Variants in DPP9 observed in about 807,000 individuals in gnomAD.
DPP9 encodes dipeptidyl peptidase 9, also known as dipeptidyl peptidase IV-related protein-2.
In DPP9, 50 loss-of-function variants were observed where a neutral mutation model predicts 110.7. The observed-to-expected ratio is 0.45, with a 90% CI of 0.36 to 0.57. DPP9 has a LOEUF of 0.57. Among genes scored for constraint, DPP9 ranks in the 20% least tolerant of loss-of-function variants. DPP9 has a pLI of 0.00. For synonymous variants in DPP9, 561 were observed against 514.4 expected (o/e 1.09, Z -1.23); for missense variants, 1,022 against 1,217.9 (o/e 0.84, Z 2.39).
chr19:4,686,793 T>G (rs1337999068), intron 16 of DPP9, among the ~76,000 whole-genome samples: 1 of 152,120 alleles, frequency 6.6e-6, no homozygotes, highest in Admixed American at 6.6e-5. Context: ...GGTCTAGGGG[T>G]AGCAGAAGTT....
chr19:4,690,744 T>C (rs2091238027), intron 14 of DPP9, 134 bp downstream of exon 14: 3 of 738,534 alleles, frequency 4.1e-6, no homozygotes, highest in Admixed American at 2.1e-5. Context: ...CAGGTGTGTG[T>C]GCGTGTGTGT....
chr19:4,704,205 C>G lies in DPP9; in HGVS notation c.526G>C (p.Glu176Gln). 1 of 1,614,002 alleles carries G rather than the reference C, an allele frequency of 6.2e-7. No individual in the cohort carries two copies. Among genetic ancestry groups the G allele is most frequent in the East Asian group, 2.2e-5 (1 of 44,886 alleles). ...FGITSYDFHS[E>Q]SGLFLFQASN... ...GCCTGGAAGAGGAAGAGGCCACTCT[C>G]GCTGTGGAAGTCGTAGGAGGTGATG... The change falls in exon 6 of 22, where the codon GAG becomes CAG. Residue 176 changes from glutamate to glutamine, a missense_variant. This residue lies in a region of DPP9 where 810 missense variants were observed against 920.6 expected (regional missense o/e 0.88). Coordinates refer to ENST00000262960, the MANE Select transcript of DPP9 (RefSeq NM_139159.5). This position sits in a 1 kb window ranked among gnomAD's most constrained non-coding sequence, Gnocchi z 6.0.
chr19:4,677,008 G>C (rs902894497), intron 21 of DPP9, among the ~76,000 whole-genome samples: 1 of 152,202 alleles, frequency 6.6e-6, no homozygotes, highest in Non-Finnish European at 1.5e-5. Flanking sequence ...GGAGGTGGCT[G>C]AGGCTTCAAG....
chr19:4,680,656 T>TTA (rs1459050744), intron 20 of DPP9, among the ~76,000 whole-genome samples: 2,742 of 127,362 alleles, frequency 0.022, 64 homozygotes, highest in African/African-American at 0.052. Context: ...GAGCTATGAT[T>TTA]AAAAAAAAAA....
intron 13 of DPP9, among the ~76,000 whole-genome samples, chr19:4,692,820 A>G (rs2091445740): frequency 6.6e-6 from 1 of 152,154 alleles, no homozygotes; most frequent in Non-Finnish European, 1.5e-5. Context: ...GTGAAACACC[A>G]ATGAGCCGAA....
At chr19:4,683,073 A>C in intron 19 of DPP9, 1 of 1,488,928 alleles carries the variant, frequency 6.7e-7, no homozygotes. Context: ...CCGCCGCCGC[A>C]GAGGGCCGGG....
At chr19:4,701,926 C>T in intron 9 of DPP9, 101 bp downstream of exon 9, 3 of 1,483,814 alleles carry the variant, frequency 2.0e-6, no homozygotes, top group Non-Finnish European at 9.1e-7. Flanking sequence ...CCAGAGCACA[C>T]ACATGCAGCT....
Position 4,694,075 on chromosome 19 carries a change from C to T in DPP9, c.1516+586G>A, listed in dbSNP as rs765427465. Among the ~76,000 whole-genome samples, 2 of 151,054 alleles carry T rather than the reference C, an allele frequency of 1.3e-5. No homozygotes were observed. Among genetic ancestry groups the T allele is most frequent in the Non-Finnish European group, 3.0e-5 (2 of 67,288 alleles). ...GCATTTCCTTCCACCACGCACATCA[C>T]ACCAGAGGCAGCACCTCTAACTGTT... On this transcript the variant is annotated intron_variant, in intron 13 of 21. Transcript: ENST00000262960. This position sits in a 1 kb window ranked among gnomAD's most constrained non-coding sequence, Gnocchi z 4.0.
At chr19:4,714,033 G>A (rs754724351) in intron 4 of DPP9, 48 bp downstream of exon 4, 24 of 1,554,894 alleles carry the variant, frequency 1.5e-5, no homozygotes, top group African/African-American at 1.1e-4. Flanking sequence ...AGGGAACTGT[G>A]GTCCCAGATG....
chr19:4,686,245 C>T (rs574970423), intron 16 of DPP9, among the ~76,000 whole-genome samples: 2 of 151,848 alleles, frequency 1.3e-5, no homozygotes, highest in East Asian at 1.9e-4. Flanking sequence ...CACGGCACCA[C>T]GCCCGGCTAA....
Position 4,694,005 on chromosome 19 carries a change from C to A in DPP9, c.1516+656G>T, listed in dbSNP as rs867382662. Among the ~76,000 whole-genome samples the A allele has an allele frequency of 6.6e-6, 1 of 152,044 alleles. No homozygotes were observed. The highest frequency in any genetic ancestry group is 1.5e-5 in the Non-Finnish European group (1 of 67,976). On this transcript the variant is annotated intron_variant, in intron 13 of 21. Coordinates refer to ENST00000262960, the MANE Select transcript of DPP9 (RefSeq NM_139159.5). This position sits in a 1 kb window ranked among gnomAD's most constrained non-coding sequence, Gnocchi z 4.0. ...CTCCAGAGACGTCCTCATGCCCTCCCGTTGTAGAAAGAAGGCCCCTCACCC... is the reference window on the plus strand; with the variant it reads ...CTCCAGAGACGTCCTCATGCCCTCCAGTTGTAGAAAGAAGGCCCCTCACCC...
chr19:4,712,009 A>G (rs1428389560), intron 4 of DPP9, among the ~76,000 whole-genome samples: 6 of 152,092 alleles, frequency 3.9e-5, no homozygotes, highest in Non-Finnish European at 7.4e-5. Flanking sequence ...TCTGCCCTCC[A>G]GAAGTGTGAA....
chr19:4,683,398 G>C, intron 19 of DPP9, 79 bp downstream of exon 19: 4 of 1,584,636 alleles, frequency 2.5e-6, no homozygotes, highest in Non-Finnish European at 3.4e-6. Flanking sequence ...CGGGTGGCGC[G>C]GGCGGTGGGC....
rs1008017385 is a variant in DPP9, at chr19:4,718,786, C to T, written c.56+1065G>A. ...CTGGGCCAATCATAGCCCTTCACAC[C>T]GTCCCCGTCTTCCCCGGTCCATTCT... On this transcript the variant is annotated intron_variant, in intron 3 of 21. Transcript: ENST00000262960. This position sits in a 1 kb window ranked among gnomAD's most constrained non-coding sequence, Gnocchi z 4.3. 3.3e-5 allele frequency among the ~76,000 whole-genome samples: 5 copies of T among 152,224 alleles called. No individual in the cohort carries two copies. The highest frequency in any genetic ancestry group is 7.2e-5 in the African/African-American group (3 of 41,458).
At position 4,697,573 on chromosome 19, in the gene DPP9, C is replaced by T. The variant is rs747145791; in HGVS notation, c.1153G>A (p.Gly385Arg). 2 of 1,613,620 alleles carry T rather than the reference C, an allele frequency of 1.2e-6. No homozygotes were observed. Among genetic ancestry groups the T allele is most frequent in the Non-Finnish European group, 8.5e-7 (1 of 1,179,774 alleles). ...FPKVEYIARAGWTRDGKYAWA... is the reference protein window; with the variant it reads ...FPKVEYIARARWTRDGKYAWA... Reference sequence around the variant, plus strand: ...CACTATTTGCCATCCCGGGTCCACCCGGCCCTGGCGATGTACTCCACCTTC... The same window carrying T: ...CACTATTTGCCATCCCGGGTCCACCTGGCCCTGGCGATGTACTCCACCTTC... The change falls in exon 11 of 22, where the codon GGG (glycine) becomes AGG (arginine). Residue 385 changes from glycine to arginine, a missense_variant. Gly to Arg is a moderately radical substitution (Grantham distance 125). Around this residue, in one of 3 missense-constraint regions of DPP9, gnomAD observed 810 missense variants for 920.6 expected, o/e 0.88. Transcript: ENST00000262960.
In DPP9 at chr19:4,704,180, G is replaced by T. The variant is rs200878232; in HGVS notation, c.551C>A (p.Ala184Asp). ...HSESGLFLFQ[A>D]SNSLFHCRDG... ...GCGGCAGTGGAAGAGGCTGTTGCTG[G>T]CCTGGAAGAGGAAGAGGCCACTCTC... is the stretch of plus-strand genomic sequence containing the variant. The change falls in exon 6 of 22, where the codon GCC becomes GAC. Residue 184 changes from alanine (A) to aspartate (D), a missense_variant. Ala to Asp is a moderately radical substitution (Grantham distance 126, BLOSUM62 -2). Around this residue, in one of 3 missense-constraint regions of DPP9, gnomAD observed 810 missense variants for 920.6 expected, o/e 0.88. Transcript: ENST00000262960. This position sits in a 1 kb window ranked among gnomAD's most constrained non-coding sequence, Gnocchi z 6.0. 1.9e-6 allele frequency: 3 copies of T among 1,614,018 alleles called. No individual in the cohort carries two copies. The highest frequency in any genetic ancestry group is 2.5e-6 in the Non-Finnish European group (3 of 1,179,900).
In DPP9 at chr19:4,704,703, C is replaced by T. The variant is rs904335758; in HGVS notation, c.427-399G>A. Among the ~76,000 whole-genome samples, 1 of 152,224 alleles carries T rather than the reference C, an allele frequency of 6.6e-6. No homozygotes were observed. The highest frequency in any genetic ancestry group is 2.1e-4 in the South Asian group (1 of 4,836). ...TTCTTACAGACTCCCCACCCTCCTA[C>T]CCTATTCACAATCCCTTCCCATCAA... On this transcript the variant is annotated intron_variant, in intron 5 of 21. Transcript: ENST00000262960. This position sits in a 1 kb window ranked among gnomAD's most constrained non-coding sequence, Gnocchi z 6.0.
At chr19:4,719,698 C>T (rs941127350) in intron 3 of DPP9, 153 bp downstream of exon 3, 77 of 887,048 alleles carry the variant, frequency 8.7e-5, no homozygotes, top group Admixed American at 4.4e-4. Flanking sequence ...CGCCACACTG[C>T]CTCCTCGCTT....
Position 4,687,821 on chromosome 19 carries a change from G to A in DPP9, c.1885+936C>T, listed in dbSNP as rs1440235256. Among the ~76,000 whole-genome samples the A allele has an allele frequency of 3.3e-5, 5 of 151,676 alleles. No individual in the cohort carries two copies. The highest frequency in any genetic ancestry group is 7.2e-5 in the African/African-American group (3 of 41,384). ...TCAAAAGGTTTTTTTTTTTTGAGACGGAGTCTCGCTCTGTCGCCCAGGCTA... is the reference window on the plus strand; with the variant it reads ...TCAAAAGGTTTTTTTTTTTTGAGACAGAGTCTCGCTCTGTCGCCCAGGCTA... On this transcript the variant is annotated intron_variant, in intron 16 of 21. Coordinates refer to ENST00000262960, the MANE Select transcript of DPP9 (RefSeq NM_139159.5). This position sits in a 1 kb window ranked among gnomAD's most constrained non-coding sequence, Gnocchi z 4.7.
Sources: gnomAD v4.1 joint callset for allele counts (sites outside exome capture counted in the v4.1 genomes callset) on GRCh38, gnomAD v4.1.1 for gene constraint, gnomAD v4.1.1 regional missense constraint, Gnocchi (gnomAD v3.1) non-coding constraint, MANE v1.5 for transcripts, NCBI Gene and HGNC (gene_info 2026-07-23, HGNC 2026-07-21) for gene names.